SH2D5: variants seen among roughly 807,000 people sequenced by gnomAD.
SH2D5 encodes the protein SH2 domain containing 5.
Under a neutral mutation model 48.2 loss-of-function variants are expected in SH2D5, and 45 were observed. The ratio of observed to expected loss-of-function variants is 0.93; its 90% confidence interval spans 0.73 to 1.20. The LOEUF (loss-of-function observed/expected upper bound fraction) is 1.20, where lower values mean the gene tolerates loss of function less well. Among genes scored for constraint, SH2D5 ranks in the 50% most tolerant of loss-of-function variants. The probability of loss-of-function intolerance (pLI) is 0.00; values close to 1 mark genes in which losing one functional copy is unlikely to be tolerated. For missense variants in SH2D5, 538 were observed against 584.1 expected (o/e 0.92, Z 0.81); for synonymous variants, 230 against 249.8 (o/e 0.92, Z 0.75).
Position 20,721,675 on chromosome 1 carries a change from C to G in SH2D5, c.*117G>C. On this transcript the variant is annotated 3_prime_UTR_variant, in exon 10 of 10. Coordinates refer to ENST00000444387, the MANE Select transcript of SH2D5 (RefSeq NM_001103161.2). ...GACAGTGACGCGATGGAAGACTGCT[C>G]CAAGGGCAGGGTGACTGGATGGAAC... 9.9e-7 allele frequency: 1 copy of G among 1,014,962 alleles called. No homozygotes were observed. Among genetic ancestry groups the G allele is most frequent in the Non-Finnish European group, 1.4e-6 (1 of 718,712 alleles). The allele number at this position is 1,014,962 out of a possible 1,614,324, so 62.9% of individuals were successfully genotyped here.
chr1:20,723,566 C>T, intron 8 of SH2D5, 60 bp downstream of exon 8: 2 of 1,344,398 alleles, frequency 1.5e-6, no homozygotes. Context: ...GCCTGGGAAG[C>T]CCATATTTCT....
In SH2D5 at chr1:20,720,562, T is replaced by TA. The variant is rs1425260218; in HGVS notation, c.*1229dup. The TA allele has an allele frequency of 1.3e-5, 2 of 152,290 alleles. No individual in the cohort carries two copies. Among genetic ancestry groups the TA allele is most frequent in the African/African-American group, 2.4e-5 (1 of 41,470 alleles). The allele number at this position is 152,290 out of a possible 1,614,324, so 9.4% of individuals were successfully genotyped here. On this transcript the variant is annotated 3_prime_UTR_variant, in exon 10 of 10. Coordinates refer to ENST00000444387, the MANE Select transcript of SH2D5 (RefSeq NM_001103161.2). The stretch of plus-strand genomic sequence containing the variant: ...GCTCATGACGTGGCTTCTGCTTCAA[T>TA]AAGAGAAGTTCATGCAAAATGAACT...
rs1204218649 is a variant in SH2D5 at position 20,723,664 on chromosome 1, G to A, written c.870C>T (p.Ser290=). 6.2e-7 allele frequency: 1 copy of A among 1,613,086 alleles called. No homozygotes were observed. The highest frequency in any genetic ancestry group is 8.5e-7 in the Non-Finnish European group (1 of 1,179,966). Reference sequence around the variant, plus strand: ...CGAAGGCCCAGATGTTCTCCGTCAGGCTGCCCTCGCTCTCCACCAGGCACG... The same window carrying A: ...CGAAGGCCCAGATGTTCTCCGTCAGACTGCCCTCGCTCTCCACCAGGCACG... ...GHSCLVESEG[S]LTENIWAFAG... The change falls in exon 8 of 10, where the codon AGC becomes AGT. Residue 290 remains serine, a synonymous_variant. Coordinates refer to ENST00000444387, the MANE Select transcript of SH2D5 (RefSeq NM_001103161.2).
At chr1:20,724,712 C>A in intron 5 of SH2D5, 77 bp from the exon 6 acceptor site, 1 of 1,433,712 alleles carries the variant, frequency 7.0e-7, no homozygotes, top group East Asian at 2.5e-5. Context: ...CCTCAGCCCA[C>A]TCACCATGGG....
chr1:20,728,200 T>G lies in SH2D5; in HGVS notation c.-42-114A>C, dbSNP rs2054842649. The stretch of plus-strand genomic sequence containing the variant: ...GCAGCTGCTATGTGTGCAGCACGGC[T>G]GCGCAATGTCCCGGGCCCTGGGGAG... On this transcript the variant is annotated intron_variant, in intron 1 of 9. Coordinates refer to ENST00000444387, the MANE Select transcript of SH2D5 (RefSeq NM_001103161.2). The surrounding 1 kb of genome is among the most constrained non-coding windows in gnomAD (Gnocchi z 4.3). The G allele has an allele frequency of 3.3e-6, 2 of 612,756 alleles. No homozygotes were observed. Among genetic ancestry groups the G allele is most frequent in the Non-Finnish European group, 5.7e-6 (2 of 348,064 alleles). The allele number at this position is 612,756 out of a possible 1,614,324, so 38.0% of individuals were successfully genotyped here. A position where few individuals can be genotyped will look rare whatever the true frequency, so the allele number is the denominator to read the frequency against.
chr1:20,722,019 T>C (rs754412748), intron 9 of SH2D5, 24 bp from the exon 10 acceptor site: 3 of 1,603,550 alleles, frequency 1.9e-6, no homozygotes, highest in Non-Finnish European at 2.6e-6. Flanking sequence ...GGACTTCAGC[T>C]CCAGTCCCCT....
Position 20,727,533 on chromosome 1 carries a change from C to T in SH2D5, c.158G>A (p.Trp53Ter). Residue 53 changes from tryptophan to a stop codon, truncating the protein, a stop_gained, in exon 3 of 10, where the codon TGG becomes TAG. Transcript: ENST00000444387. LOFTEE classifies it high-confidence loss of function. Reference protein sequence around the residue: ...ESVWLVQQQLWALKDCPRRRA... With the variant: ...ESVWLVQQQL Reference sequence around the variant, plus strand: ...TCCCAGGCCACCCACCTTCAGCGCCCACAGCTGCTGCTGCACCAGCCACAC... The same window carrying T: ...TCCCAGGCCACCCACCTTCAGCGCCTACAGCTGCTGCTGCACCAGCCACAC... The T allele has an allele frequency of 2.5e-6, 4 of 1,605,078 alleles. No individual in the cohort carries two copies. The highest frequency in any genetic ancestry group is 3.4e-6 in the Non-Finnish European group (4 of 1,176,704).
chr1:20,724,021 T>G, intron 7 of SH2D5, 62 bp downstream of exon 7: 2 of 1,571,574 alleles, frequency 1.3e-6, no homozygotes, highest in Non-Finnish European at 1.7e-6. Context: ...CTCTGGCTGG[T>G]CCAGGAGCGC....
Position 20,729,174 on chromosome 1 carries a change from T to C in SH2D5, c.-42-1088A>G, listed in dbSNP as rs1044234226. On this transcript the variant is annotated intron_variant, in intron 1 of 9. Transcript: ENST00000444387. The surrounding 1 kb of genome is among the most constrained non-coding windows in gnomAD (Gnocchi z 4.2). The stretch of plus-strand genomic sequence containing the variant: ...CCATGAGAGCCCAGGACACAGCTGG[T>C]GTTCAATTAATGTGGAATTAACATA... Among the ~76,000 whole-genome samples, 6 of 152,146 alleles carry C rather than the reference T, an allele frequency of 3.9e-5. No homozygotes were observed.
rs2054675391 is a variant in SH2D5 at position 20,721,120 on chromosome 1, T to C, written c.*672A>G. ...GGAGATTCTTGGCCCTGTCTGCTGGTGCGCATCCCTTTCTGCACACAGGAG... is the reference window on the plus strand; with the variant it reads ...GGAGATTCTTGGCCCTGTCTGCTGGCGCGCATCCCTTTCTGCACACAGGAG... On this transcript the variant is annotated 3_prime_UTR_variant, in exon 10 of 10. Transcript: ENST00000444387. 6.5e-6 allele frequency: 1 copy of C among 153,746 alleles called. No individual in the cohort carries two copies. Among genetic ancestry groups the C allele is most frequent in the African/African-American group, 2.4e-5 (1 of 41,464 alleles). 9.5% of individuals were successfully genotyped at this position (153,746 alleles called of 1,614,324 possible).
rs374783045 is a variant in SH2D5, at chr1:20,722,010, G to C, written c.1069-15C>G. ...GCCGGCAGGTGCTAGGGGAGGAAGGGACTTCAGCTCCAGTCCCCTTCCCCA... is the reference window on the plus strand; with the variant it reads ...GCCGGCAGGTGCTAGGGGAGGAAGGCACTTCAGCTCCAGTCCCCTTCCCCA... On this transcript the variant is annotated splice_polypyrimidine_tract_variant and intron_variant, in intron 9 of 9. Coordinates refer to ENST00000444387, the MANE Select transcript of SH2D5 (RefSeq NM_001103161.2). The C allele has an allele frequency of 6.8e-5, 109 of 1,609,564 alleles. 1 individual carries two copies. In the African/African-American group the frequency reaches 1.3e-3, roughly 19 times the overall value.
intron 9 of SH2D5, 95 bp from the exon 10 acceptor site, chr1:20,722,090 G>C (rs1019468894): frequency 8.1e-7 from 1 of 1,236,882 alleles, no homozygotes; most frequent in Non-Finnish European, 1.1e-6. Flanking sequence ...ACATTTTGGA[G>C]AGCAGGGAAC....
Position 20,727,471 on chromosome 1 carries a change from G to A in SH2D5, c.168+52C>T, listed in dbSNP as rs566264518. ...GTGGATCTGGTCTAGGGGGTTACCT[G>A]GTCTTCAAGGCTGTGACTTCCACTA... On this transcript the variant is annotated intron_variant, in intron 3 of 9. Transcript: ENST00000444387. The A allele has an allele frequency of 1.9e-5, 28 of 1,493,818 alleles. No individual in the cohort carries two copies. In the South Asian group the frequency reaches 3.1e-4, roughly 17 times the overall value. The allele number at this position is 1,493,818 out of a possible 1,614,324, so 92.5% of individuals were successfully genotyped here.
At chr1:20,724,688 G>T (rs2054762683) in intron 5 of SH2D5, 53 bp from the exon 6 acceptor site, 3 of 1,475,274 alleles carry the variant, frequency 2.0e-6, no homozygotes, top group Non-Finnish European at 2.7e-6. Context: ...CCATCTCCCA[G>T]TGAACTCCCT....
chr1:20,722,239 T>G (rs577737306), intron 9 of SH2D5, among the ~76,000 whole-genome samples: 1 of 152,234 alleles, frequency 6.6e-6, no homozygotes, highest in East Asian at 1.9e-4. Flanking sequence ...CCCCCTCCCA[T>G]CCCTAGAAAC....
At position 20,721,419 on chromosome 1, in the gene SH2D5, C is replaced by T; in HGVS notation, c.*373G>A. 1 of 215,256 alleles carries T rather than the reference C, an allele frequency of 4.6e-6. No individual in the cohort carries two copies. Among genetic ancestry groups the T allele is most frequent in the Non-Finnish European group, 9.1e-6 (1 of 109,606 alleles). 13.3% of individuals were successfully genotyped at this position (215,256 alleles called of 1,614,324 possible). A position where few individuals can be genotyped will look rare whatever the true frequency, so the allele number is the denominator to read the frequency against. The stretch of plus-strand genomic sequence containing the variant: ...AGACTCCCAGTCAGCGCCCCAAGGC[C>T]TAGCCTCCTTAGGAGAGGGCTGCAG... On this transcript the variant is annotated 3_prime_UTR_variant, in exon 10 of 10. Transcript: ENST00000444387.
Position 20,723,628 on chromosome 1 carries a change from G to A in SH2D5, c.906C>T (p.Ser302=), listed in dbSNP as rs2054731797. ...AGGCCAGGCCAGGCCCTTCCTACCTGGAGATGCCAGCGAAGGCCCAGATGT... is the reference window on the plus strand; with the variant it reads ...AGGCCAGGCCAGGCCCTTCCTACCTAGAGATGCCAGCGAAGGCCCAGATGT... ...TENIWAFAGI[S]RPCALALLRR... is the part of the protein sequence containing the mutation. Residue 302 remains serine (S), a splice_region_variant and synonymous_variant, in exon 8 of 10, where the codon TCC becomes TCT. Transcript: ENST00000444387. 1 of 1,611,554 alleles carries A rather than the reference G, an allele frequency of 6.2e-7. No homozygotes were observed. Among genetic ancestry groups the A allele is most frequent in the Non-Finnish European group, 8.5e-7 (1 of 1,179,058 alleles).
At chr1:20,727,110 C>T in intron 3 of SH2D5, 35 bp from the exon 4 acceptor site, 1 of 1,568,440 alleles carries the variant, frequency 6.4e-7, no homozygotes, top group Non-Finnish European at 8.7e-7. Context: ...CAGGCACCAC[C>T]TCCCAGACCC....
rs1294163072 is a variant in SH2D5, at chr1:20,721,715, G to A, written c.*77C>T. On this transcript the variant is annotated 3_prime_UTR_variant, in exon 10 of 10. Coordinates refer to ENST00000444387, the MANE Select transcript of SH2D5 (RefSeq NM_001103161.2). ...CTGGATGGAACTGGCAACCAGAGGG[G>A]TGCAGGACGGGCAGAGATGCTGCTG... 23 of 1,340,900 alleles carry A rather than the reference G, an allele frequency of 1.7e-5. No homozygotes were observed. The highest frequency in any genetic ancestry group is 2.1e-5 in the Non-Finnish European group (21 of 999,556). The allele number at this position is 1,340,900 out of a possible 1,614,324, so 83.1% of individuals were successfully genotyped here.
Sources: allele counts gnomAD v4.1 joint callset (sites outside exome capture counted in the v4.1 genomes callset), GRCh38; gene constraint gnomAD v4.1.1; non-coding constraint Gnocchi (gnomAD v3.1); transcripts MANE v1.5; gene names NCBI Gene and HGNC (gene_info 2026-07-23, HGNC 2026-07-21).